KLHL7: variants seen among roughly 807,000 people sequenced by gnomAD.
KLHL7 encodes the protein kelch-like protein 7.
A neutral mutation model predicts 67.4 loss-of-function variants in KLHL7; 44 were observed. The observed-to-expected ratio is 0.65, with a 90% CI of 0.51 to 0.84. KLHL7 has a LOEUF of 0.84. Ranked by LOEUF, KLHL7 falls within the 40% of genes least tolerant of loss-of-function variation. KLHL7 has a pLI of 0.00. For synonymous variants in KLHL7, 252 were observed against 243.3 expected (o/e 1.04, Z -0.33); for missense variants, 362 against 718.1 (o/e 0.50, Z 5.67).
At chr7:23,113,893 C>G (rs1272141295) in intron 1 of KLHL7, among the ~76,000 whole-genome samples, 1 of 152,154 alleles carries the variant, frequency 6.6e-6, no homozygotes, top group East Asian at 1.9e-4. Context: ...TTAATTCTTG[C>G]TACATAGAGA....
intron 4 of KLHL7, among the ~76,000 whole-genome samples, chr7:23,126,995 C>T (rs753914443): frequency 3.3e-5 from 5 of 152,100 alleles, no homozygotes; most frequent in Non-Finnish European, 5.9e-5. Context: ...CTCTTTGGGC[C>T]GTAATTGGGG....
chr7:23,169,323 A>G (rs946494949), intron 9 of KLHL7, among the ~76,000 whole-genome samples: 4 of 152,198 alleles, frequency 2.6e-5, no homozygotes, highest in Non-Finnish European at 5.9e-5. Context: ...ATGTGCATTT[A>G]TCTATGATTC....
intron 5 of KLHL7, among the ~76,000 whole-genome samples, chr7:23,142,273 T>A (rs2128464697): frequency 6.6e-6 from 1 of 152,302 alleles, no homozygotes; most frequent in East Asian, 1.9e-4. Flanking sequence ...AGCCACTAAG[T>A]TTGTGGTAAT....
Position 23,112,610 on chromosome 7 carries a change from T to TA in KLHL7, c.120+6467dup, listed in dbSNP as rs1464416764. Reference sequence around the variant, plus strand: ...AGCAAGTCAGGATGGCCAAATGGTCTAAAGCACTGTATTCACAGGAGGACT... The same window carrying TA: ...AGCAAGTCAGGATGGCCAAATGGTCTAAAAGCACTGTATTCACAGGAGGACT... On this transcript the variant is annotated intron_variant, in intron 1 of 10. Coordinates refer to ENST00000339077, the MANE Select transcript of KLHL7 (RefSeq NM_001031710.3). Among the ~76,000 whole-genome samples the TA allele has an allele frequency of 3.3e-5, 5 of 152,330 alleles. No homozygotes were observed. The East Asian group carries it at 9.6e-4, about 29-fold the overall frequency.
intron 10 of KLHL7, among the ~76,000 whole-genome samples, chr7:23,173,660 TC>T (rs1333661723): frequency 8.5e-5 from 13 of 152,278 alleles, no homozygotes; most frequent in African/African-American, 3.1e-4. Flanking sequence ...ATTGCTATTT[TC>T]CATAAAGTGC....
At chr7:23,162,825 A>C (rs1291281751) in intron 7 of KLHL7, among the ~76,000 whole-genome samples, 1 of 152,190 alleles carries the variant, frequency 6.6e-6, no homozygotes, top group East Asian at 1.9e-4. Flanking sequence ...TAGTCATCTT[A>C]AACTCAGGTT....
At chr7:23,152,241 T>A (rs1329906748) in intron 7 of KLHL7, 32 bp downstream of exon 7, 1 of 1,606,306 alleles carries the variant, frequency 6.2e-7, no homozygotes. Flanking sequence ...TTTTTGTTGT[T>A]GTCTTTGAAA....
chr7:23,171,201 A>G, intron 9 of KLHL7: 1 of 339,000 alleles, frequency 2.9e-6, no homozygotes, highest in South Asian at 2.3e-5. Flanking sequence ...ACGCTTCTAA[A>G]CATTAAACTT....
At chr7:23,123,630 A>G (rs1783441796) in intron 1 of KLHL7, 147 bp from the exon 2 acceptor site, 1 of 648,236 alleles carries the variant, frequency 1.5e-6, no homozygotes, top group Non-Finnish European at 2.7e-6. Flanking sequence ...CTTTCTAAAT[A>G]TGTCTTCAAA....
At chr7:23,139,997 A>G (rs1011946455) in intron 4 of KLHL7, among the ~76,000 whole-genome samples, 1 of 151,832 alleles carries the variant, frequency 6.6e-6, no homozygotes, top group Non-Finnish European at 1.5e-5. Flanking sequence ...GATTTTGCCC[A>G]TAAACAGTAC....
At position 23,174,235 on chromosome 7, in the gene KLHL7, C is replaced by A. The variant is rs1262212443; in HGVS notation, c.1698C>A (p.Val566=). ...VANSKVRAFP[V]TSCLICVVDT... ...ACTCCAAAGTTCGTGCTTTTCCAGT[C>A]ACAAGTTGTTTAATTTGTGTTGTCG... Residue 566 remains valine, a synonymous_variant, in exon 11 of 11, where the codon GTC becomes GTA. Transcript: ENST00000339077. 1 of 1,614,112 alleles carries A rather than the reference C, an allele frequency of 6.2e-7. No individual in the cohort carries two copies. Among genetic ancestry groups the A allele is most frequent in the Non-Finnish European group, 8.5e-7 (1 of 1,180,006 alleles).
intron 6 of KLHL7, among the ~76,000 whole-genome samples, chr7:23,144,720 T>G (rs1230962741): frequency 6.6e-6 from 1 of 152,210 alleles, no homozygotes; most frequent in Non-Finnish European, 1.5e-5. Flanking sequence ...TGATGCAACA[T>G]ATCCTCTAAA....
intron 6 of KLHL7, among the ~76,000 whole-genome samples, chr7:23,148,213 G>T (rs1784419137): frequency 6.6e-6 from 1 of 151,920 alleles, no homozygotes. Flanking sequence ...ATTTTACATG[G>T]ATATCTAATA....
chr7:23,109,086 C>A (rs1782760903), intron 1 of KLHL7, among the ~76,000 whole-genome samples: 1 of 152,176 alleles, frequency 6.6e-6, no homozygotes, highest in Non-Finnish European at 1.5e-5. Flanking sequence ...ATAAGCTATA[C>A]CACCTTCAGC....
At chr7:23,142,210 A>G (rs1236514587) in intron 5 of KLHL7, among the ~76,000 whole-genome samples, 1 of 152,184 alleles carries the variant, frequency 6.6e-6, no homozygotes, top group African/African-American at 2.4e-5. Context: ...ACACTTTAAT[A>G]TGCAGACTCA....
chr7:23,128,054 G>C (rs1362345769), intron 4 of KLHL7, among the ~76,000 whole-genome samples: 3 of 151,792 alleles, frequency 2.0e-5, no homozygotes, highest in African/African-American at 4.8e-5. Flanking sequence ...CGCTTGAACC[G>C]GGAGGCGGAG....
chr7:23,145,178 A>G (rs1784316816), intron 6 of KLHL7, among the ~76,000 whole-genome samples: 1 of 152,082 alleles, frequency 6.6e-6, no homozygotes, highest in African/African-American at 2.4e-5. Context: ...TTTATCTTCT[A>G]GCTTCCAGTG....
intron 8 of KLHL7, among the ~76,000 whole-genome samples, chr7:23,167,286 T>G (rs1785029587): frequency 6.6e-6 from 1 of 152,112 alleles, no homozygotes; most frequent in African/African-American, 2.4e-5. Flanking sequence ...CATCAATATT[T>G]TGAGAATATA....
chr7:23,134,606 T>A (rs747557830), intron 4 of KLHL7, among the ~76,000 whole-genome samples: 31 of 152,210 alleles, frequency 2.0e-4, no homozygotes, highest in Non-Finnish European at 4.0e-4. Context: ...ACTGGGAGAC[T>A]TTTTATTATA....
Sources: allele counts gnomAD v4.1 joint callset (sites outside exome capture counted in the v4.1 genomes callset), GRCh38; gene constraint gnomAD v4.1.1; transcripts MANE v1.5; gene names NCBI Gene and HGNC (gene_info 2026-07-23, HGNC 2026-07-21).